The following LZTR1 variants were observed in gnomAD, a reference collection of about 807,000 sequenced individuals.
The protein encoded by LZTR1 is leucine-zipper-like transcriptional regulator 1.
A neutral mutation model predicts 105.7 loss-of-function variants in LZTR1; 260 were observed. The observed-to-expected ratio is 2.46, with a 90% CI of 2.22 to 2.72. The LOEUF (loss-of-function observed/expected upper bound fraction) is 2.72, where lower values mean the gene tolerates loss of function less well. Among genes scored for constraint, LZTR1 ranks in the 30% most tolerant of loss-of-function variants. The probability of loss-of-function intolerance (pLI) is 0.00; values close to 1 mark genes in which losing one functional copy is unlikely to be tolerated. For synonymous variants in LZTR1, 490 were observed against 476.4 expected (o/e 1.03, Z -0.37); for missense variants, 1,214 against 1,166.9 (o/e 1.04, Z -0.59).
rs1172359115 is a variant in LZTR1 at position 20,994,628 on chromosome 22, G to A, written c.1686G>A (p.Leu562=). The part of the protein sequence containing the change: ...KLALSFQLCR[L]EQLCRQYIEA... ...CACTGAGCTTCCAGTTGTGCCGCCT[G>A]GAGCAGCTGTGCCGCCAGTACATCG... Residue 562 remains leucine, a synonymous_variant, in exon 15 of 21, where the codon CTG becomes CTA. Coordinates refer to ENST00000646124, the MANE Select transcript of LZTR1 (RefSeq NM_006767.4). The A allele has an allele frequency of 7.4e-6, 12 of 1,612,742 alleles. No individual in the cohort carries two copies. Among genetic ancestry groups the A allele is most frequent in the Non-Finnish European group, 1.0e-5 (12 of 1,179,852 alleles).
At chr22:20,995,525 G>A (rs1180512571) in intron 16 of LZTR1, 6 of 711,724 alleles carry the variant, frequency 8.4e-6, no homozygotes, top group East Asian at 5.3e-5. Context: ...AAGATGAGAC[G>A]CTGGGTGGTG....
intron 2 of LZTR1, among the ~76,000 whole-genome samples, chr22:20,983,900 TG>T (rs1483450406): frequency 6.6e-6 from 1 of 152,212 alleles, no homozygotes; most frequent in Non-Finnish European, 1.5e-5. Flanking sequence ...TGCTCCTCCT[TG>T]GCTCATCCTC....
rs371891909 is a variant in LZTR1, at chr22:20,987,555, C to T, written c.372C>T (p.Val124=). 80 of 1,614,044 alleles carry T rather than the reference C, an allele frequency of 5.0e-5. No homozygotes were observed. The highest frequency in any genetic ancestry group is 1.6e-4 in the Middle Eastern group (1 of 6,084). Residue 124 remains valine, a synonymous_variant, in exon 4 of 21, where the codon GTC becomes GTT. Coordinates refer to ENST00000646124, the MANE Select transcript of LZTR1 (RefSeq NM_006767.4). ...CCCCCCGTTACCACCACTCGGCCGT[C>T]GTCTATGGGAGCAGCATGTTTGTCT... is the stretch of plus-strand genomic sequence containing the variant. The part of the protein sequence containing the change: ...PPAPRYHHSA[V]VYGSSMFVFG...
chr22:20,994,816 C>T (rs1924766831), intron 15 of LZTR1, 54 bp from the exon 16 acceptor site: 8 of 1,609,636 alleles, frequency 5.0e-6, no homozygotes, highest in Non-Finnish European at 5.9e-6. Context: ...GCCCCTCGCC[C>T]AGCCTGGGGC....
At chr22:20,995,670 T>G in intron 16 of LZTR1, 76 bp from the exon 17 acceptor site, 1 of 1,567,388 alleles carries the variant, frequency 6.4e-7, no homozygotes, top group South Asian at 1.1e-5. Flanking sequence ...TGGGCAGATA[T>G]GCAGGAAGGT....
intron 20 of LZTR1, 47 bp from the exon 21 acceptor site, chr22:20,997,185 C>G (rs1376093750): frequency 1.5e-6 from 2 of 1,351,238 alleles, no homozygotes; most frequent in Non-Finnish European, 2.1e-6. Flanking sequence ...CACCATGGCC[C>G]TTAGGTGGAT....
rs1478205181 is a variant in LZTR1 at position 20,991,816 on chromosome 22, G to A, written c.980G>A (p.Ser327Asn). ...CAGACCTGGGAGGTCGTCCAGCCCA[G>A]CTCCGACAGCGAGGTGAGGGTGCCC... is the stretch of plus-strand genomic sequence containing the variant. Reference protein sequence around the residue: ...DFQTWEVVQPSSDSEVGGAEV... With the variant: ...DFQTWEVVQPNSDSEVGGAEV... The change falls in exon 9 of 21, where the codon AGC becomes AAC. Residue 327 changes from serine to asparagine, a missense_variant. Coordinates refer to ENST00000646124, the MANE Select transcript of LZTR1 (RefSeq NM_006767.4). The A allele has an allele frequency of 4.5e-6, 7 of 1,549,810 alleles. No homozygotes were observed. The highest frequency in any genetic ancestry group is 6.1e-6 in the Non-Finnish European group (7 of 1,146,640).
rs779018174 is a variant in LZTR1, at chr22:20,995,789, G to T, written c.1986G>T (p.Ala662=). Residue 662 remains alanine, a synonymous_variant, in exon 17 of 21, where the codon GCG becomes GCT. Coordinates refer to ENST00000646124, the MANE Select transcript of LZTR1 (RefSeq NM_006767.4). ...IQDMKAYLEG[A]GAEFCDITLL... ...ACATGAAGGCATACCTGGAGGGAGC[G>T]GGCGCGGAATTCTGTGACATCACTC... The T allele has an allele frequency of 3.1e-6, 5 of 1,613,582 alleles. No individual in the cohort carries two copies. The highest frequency in any genetic ancestry group is 2.2e-5 in the East Asian group (1 of 44,850).
In LZTR1 at chr22:20,996,791, AC is replaced by A; in HGVS notation, c.2316del (p.Asn772LysfsTer17). On this transcript the variant is annotated frameshift_variant, in exon 19 of 21. Coordinates refer to ENST00000646124, the MANE Select transcript of LZTR1 (RefSeq NM_006767.4). LOFTEE classifies it high-confidence loss of function. ...QNLEMNVTVQ[N>X]VLQILEAADK... ...CTGGAGATGAACGTGACGGTGCAGA[AC>A]GTGCTGCAGGTAGCCCCCCAGCCCC... 6.2e-7 allele frequency: 1 copy of A among 1,613,648 alleles called. No individual in the cohort carries two copies. Among genetic ancestry groups the A allele is most frequent in the Non-Finnish European group, 8.5e-7 (1 of 1,179,990 alleles).
At position 20,998,077 on chromosome 22, in the gene LZTR1, T is replaced by A. The variant is rs1391077329; in HGVS notation, c.*729T>A. 6.6e-6 allele frequency: 1 copy of A among 152,284 alleles called. No homozygotes were observed. Among genetic ancestry groups the A allele is most frequent in the Admixed American group, 6.5e-5 (1 of 15,286 alleles). The allele number at this position is 152,284 out of a possible 1,614,324, so 9.4% of individuals were successfully genotyped here. The stretch of plus-strand genomic sequence containing the variant: ...CCCGTGTCCCTTGCTGAGTATTCTG[T>A]CACAGACAAGCCTCCATTAAAGCCA... On this transcript the variant is annotated 3_prime_UTR_variant, in exon 21 of 21. Transcript: ENST00000646124.
chr22:20,982,597 A>G, intron 1 of LZTR1, 26 bp downstream of exon 1: 2 of 1,604,584 alleles, frequency 1.2e-6, no homozygotes, highest in Non-Finnish European at 1.7e-6. Context: ...TGGGGTCCTG[A>G]GGACAGGAAG....
rs891482028 is a variant in LZTR1 at position 20,991,462 on chromosome 22, G to A, written c.792-166G>A. 11 of 604,412 alleles carry A rather than the reference G, an allele frequency of 1.8e-5. No individual in the cohort carries two copies. The African/African-American group carries it at 2.0e-4, about 11-fold the overall frequency. 37.4% of individuals were successfully genotyped at this position (604,412 alleles called of 1,614,324 possible). On this transcript the variant is annotated intron_variant, in intron 8 of 20. Coordinates refer to ENST00000646124, the MANE Select transcript of LZTR1 (RefSeq NM_006767.4). Reference sequence around the variant, plus strand: ...GGCAGGGCTGGTGCCCGTGCTGGATGGGGTGAGAGGTGCTCAGCGCAGGTG... The same window carrying A: ...GGCAGGGCTGGTGCCCGTGCTGGATAGGGTGAGAGGTGCTCAGCGCAGGTG...
rs1175579360 is a variant in LZTR1 at position 20,996,771 on chromosome 22, G to A, written c.2295G>A (p.Glu765=). The change falls in exon 19 of 21, where the codon GAG becomes GAA. Residue 765 remains glutamate, a synonymous_variant. Transcript: ENST00000646124. ...AGGCGTACTGCAAGCAGAACCTGGA[G>A]ATGAACGTGACGGTGCAGAACGTGC... is the stretch of plus-strand genomic sequence containing the variant. ...RLQAYCKQNL[E]MNVTVQNVLQ... 22 of 1,613,526 alleles carry A rather than the reference G, an allele frequency of 1.4e-5. No individual in the cohort carries two copies. Among genetic ancestry groups the A allele is most frequent in the Non-Finnish European group, 1.8e-5 (21 of 1,180,018 alleles).
At chr22:20,994,380 G>A (rs748114118) in intron 14 of LZTR1, 111 bp downstream of exon 14, 85 of 1,336,928 alleles carry the variant, frequency 6.4e-5, no homozygotes, top group Middle Eastern at 4.4e-4. Context: ...CTGAGGCTCA[G>A]AGGCTGCAGG....
At position 20,992,909 on chromosome 22, in the gene LZTR1, G is replaced by T. The variant is rs771964511; in HGVS notation, c.1260+5G>T. On this transcript the variant is annotated splice_donor_5th_base_variant and intron_variant, in intron 11 of 20. Transcript: ENST00000646124. ...GGGGAGATGTACAGGTTCCAGGTGT[G>T]GGGCCTGTGGGCCTGTAGAGCCGGC... 3.2e-6 allele frequency: 5 copies of T among 1,573,058 alleles called. No individual in the cohort carries two copies. In the South Asian group the frequency reaches 4.6e-5, roughly 14 times the overall value.
chr22:20,990,346 C>A (rs1924558128), intron 7 of LZTR1, 40 bp from the exon 8 acceptor site: 1 of 1,612,626 alleles, frequency 6.2e-7, no homozygotes, highest in East Asian at 2.2e-5. Flanking sequence ...TGTGAGCGGG[C>A]CCTGTGAGGC....
chr22:20,994,151 G>A lies in LZTR1; in HGVS notation c.1497G>A (p.Val499=), dbSNP rs1456975132. 6.3e-7 allele frequency: 1 copy of A among 1,595,780 alleles called. No individual in the cohort carries two copies. Residue 499 remains valine, a synonymous_variant, in exon 14 of 21, where the codon GTG becomes GTA. Transcript: ENST00000646124. ...AAPVPREAPG[V]AAGGARPPLL... is the part of the protein sequence containing the mutation. ...CAGTTCCCAGGGAGGCCCCCGGCGTGGCTGCTGGTGGGGCCCGGCCGCCCC... is the reference window on the plus strand; with the variant it reads ...CAGTTCCCAGGGAGGCCCCCGGCGTAGCTGCTGGTGGGGCCCGGCCGCCCC...
Position 20,994,020 on chromosome 22 carries a change from G to A in LZTR1, c.1449+1G>A, listed in dbSNP as rs758122659. The A allele has an allele frequency of 1.9e-6, 3 of 1,605,640 alleles. No individual in the cohort carries two copies. The highest frequency in any genetic ancestry group is 1.7e-6 in the Non-Finnish European group (2 of 1,177,612). ...GCAGGCGCGGGAGAGGCTGGCCCAGGTGAGGTGCCTAACCGCCCTGCCCTG... is the reference window on the plus strand; with the variant it reads ...GCAGGCGCGGGAGAGGCTGGCCCAGATGAGGTGCCTAACCGCCCTGCCCTG... On this transcript the variant is annotated splice_donor_variant, in intron 13 of 20. Transcript: ENST00000646124. LOFTEE classifies it high-confidence loss of function.
chr22:20,994,092 T>G lies in LZTR1; in HGVS notation c.1450-12T>G, dbSNP rs538025751. The G allele has an allele frequency of 2.5e-6, 4 of 1,577,222 alleles. No individual in the cohort carries two copies. In the South Asian group the frequency reaches 4.6e-5, roughly 18 times the overall value. ...TCCACTGGGGTGTCCTTGAGCTCCC[T>G]TCTCCCCACAGAAGCTGGAGCAGGA... On this transcript the variant is annotated splice_polypyrimidine_tract_variant and intron_variant, in intron 13 of 20. Transcript: ENST00000646124.
Sources: gnomAD v4.1 joint callset for allele counts (sites outside exome capture counted in the v4.1 genomes callset) on GRCh38, gnomAD v4.1.1 for gene constraint, MANE v1.5 for transcripts, NCBI Gene and HGNC (gene_info 2026-07-23, HGNC 2026-07-21) for gene names.